Variants in BAZ2B observed in about 807,000 individuals in gnomAD.
The protein encoded by BAZ2B is bromodomain adjacent to zinc finger domain protein 2B.
BAZ2B carries 91 observed loss-of-function variants against 246.0 expected under a neutral mutation model. The observed-to-expected ratio is 0.37, with a 90% CI of 0.31 to 0.44. The LOEUF (loss-of-function observed/expected upper bound fraction) is 0.44, where lower values mean the gene tolerates loss of function less well. BAZ2B is among the 20% of genes least tolerant of loss of function. The pLI is 1.00. For missense variants in BAZ2B, 2,332 were observed against 2,533.7 expected (o/e 0.92, Z 1.71); for synonymous variants, 855 against 860.0 (o/e 0.99, Z 0.10).
chr2:159,504,717 C>T (rs1311434939), intron 2 of BAZ2B, among the ~76,000 whole-genome samples: 1 of 152,188 alleles, frequency 6.6e-6, no homozygotes, highest in Non-Finnish European at 1.5e-5. Context: ...TATTGAACAT[C>T]CTTCTCTCTT....
chr2:159,631,040 T>G, the BAZ2B span, among the ~76,000 whole-genome samples: 1 of 151,930 alleles, frequency 6.6e-6, no homozygotes, highest in Non-Finnish European at 1.5e-5. Context: ...CAAAAAAATT[T>G]TAAAATTTAC....
chr2:159,513,207 T>TA (rs2083101700), intron 2 of BAZ2B, among the ~76,000 whole-genome samples: 4 of 152,226 alleles, frequency 2.6e-5, no homozygotes, highest in Admixed American at 6.5e-5. Flanking sequence ...CTCTTAAAAC[T>TA]TGACTACCCA....
intron 1 of BAZ2B, among the ~76,000 whole-genome samples, chr2:159,578,727 T>C (rs776644300): frequency 6.6e-6 from 1 of 152,212 alleles, no homozygotes; most frequent in Non-Finnish European, 1.5e-5. Flanking sequence ...CAACTGTCTC[T>C]AGGACCACAG....
At chr2:159,658,605 C>A in the BAZ2B span, among the ~76,000 whole-genome samples, 1 of 152,166 alleles carries the variant, frequency 6.6e-6, no homozygotes, top group African/African-American at 2.4e-5. Context: ...GCAACCTCTG[C>A]CTCCCAGGTT....
chr2:159,453,901 T>C, intron 3 of BAZ2B, 100 bp from the exon 4 acceptor site: 3 of 1,061,912 alleles, frequency 2.8e-6, no homozygotes, highest in Non-Finnish European at 2.5e-6. Context: ...AATTTACCTA[T>C]TACATTTTTA....
At chr2:159,552,086 C>T (rs1458573694) in intron 2 of BAZ2B, among the ~76,000 whole-genome samples, 1 of 152,178 alleles carries the variant, frequency 6.6e-6, no homozygotes, top group African/African-American at 2.4e-5. Context: ...TTCCCACAAA[C>T]TCTCTAGACC....
rs775255548 is a variant in BAZ2B at position 159,412,354 on chromosome 2, T to C, written c.2658A>G (p.Leu886=). 1.8e-5 allele frequency: 29 copies of C among 1,614,188 alleles called. No individual in the cohort carries two copies. The South Asian group carries it at 3.1e-4, about 17-fold the overall frequency. ...EFLDNADAKL[L]RKLQAQEIAR... is the part of the protein sequence containing the mutation. ...TCTTACCTTGAGCTTGCAGTTTTCT[T>C]AGCAACTTTGCATCTGCGTTATCTA... The change falls in exon 14 of 37, where the codon CTA becomes CTG. Residue 886 remains leucine (L), a synonymous_variant. Coordinates refer to ENST00000392783, the MANE Select transcript of BAZ2B (RefSeq NM_013450.4).
intron 2 of BAZ2B, among the ~76,000 whole-genome samples, chr2:159,531,163 T>A (rs11885221): frequency 0.026 from 4,029 of 152,240 alleles, 183 homozygotes; most frequent in African/African-American, 0.092. Context: ...ACTAAAGATA[T>A]TTTATAACAA....
chr2:159,347,348 T>C, intron 31 of BAZ2B, 138 bp downstream of exon 31: 1 of 1,047,448 alleles, frequency 9.5e-7, no homozygotes, highest in African/African-American at 1.6e-5. Context: ...TGGGGCAAAT[T>C]AATCCAGGAT....
chr2:159,528,535 T>C (rs1047838855), intron 2 of BAZ2B, among the ~76,000 whole-genome samples: 2 of 151,824 alleles, frequency 1.3e-5, no homozygotes, highest in Non-Finnish European at 2.9e-5. Context: ...ATAGAAAAAT[T>C]AGCCAGGTGT....
intron 2 of BAZ2B, among the ~76,000 whole-genome samples, chr2:159,537,606 C>T (rs1485395599): frequency 6.6e-6 from 1 of 152,228 alleles, no homozygotes; most frequent in Admixed American, 6.5e-5. Context: ...TAGAGATACA[C>T]ACAACTGCTA....
At chr2:159,346,216 A>T (rs996938461) in intron 31 of BAZ2B, among the ~76,000 whole-genome samples, 1 of 152,210 alleles carries the variant, frequency 6.6e-6, no homozygotes, top group Non-Finnish European at 1.5e-5. Context: ...CAAGAAAGGG[A>T]TATTTTATTA....
chr2:159,528,085 T>G (rs1441218334), intron 2 of BAZ2B, among the ~76,000 whole-genome samples: 1 of 152,178 alleles, frequency 6.6e-6, no homozygotes, highest in Admixed American at 6.5e-5. Flanking sequence ...GAAGATTTCA[T>G]ATACCCTGTA....
intron 3 of BAZ2B, chr2:159,462,391 CT>C: frequency 8.1e-7 from 1 of 1,240,084 alleles, no homozygotes; most frequent in Non-Finnish European, 1.2e-6. Flanking sequence ...TACATTCAGC[CT>C]TTAGGCATTC....
At chr2:159,688,696 T>C in the BAZ2B span, among the ~76,000 whole-genome samples, 2 of 152,208 alleles carry the variant, frequency 1.3e-5, no homozygotes, top group African/African-American at 4.8e-5. Flanking sequence ...TCATACCTCT[T>C]TGGACTTCTT....
chr2:159,461,124 CACAA>C (rs1305238379), intron 3 of BAZ2B: 1 of 151,986 alleles, frequency 6.6e-6, no homozygotes, highest in Non-Finnish European at 1.5e-5. Flanking sequence ...AGAACTGAAG[CACAA>C]ACACGTTTTT....
At chr2:159,536,153 G>C (rs895301900) in intron 2 of BAZ2B, 1 of 152,128 alleles carries the variant, frequency 6.6e-6, no homozygotes, top group South Asian at 2.1e-4. Context: ...TTCCAACACT[G>C]AACAGACATA....
Position 159,431,159 on chromosome 2 carries a change from G to T in BAZ2B, c.1901-3C>A. On this transcript the variant is annotated splice_region_variant and splice_polypyrimidine_tract_variant and intron_variant, in intron 9 of 36. Coordinates refer to ENST00000392783, the MANE Select transcript of BAZ2B (RefSeq NM_013450.4). The stretch of plus-strand genomic sequence containing the variant: ...TGATTCTGAATTACTATCTGATTCT[G>T]GGAAGTAAAAGAAGCATTTGTATAT... The T allele has an allele frequency of 6.3e-7, 1 of 1,597,566 alleles. No homozygotes were observed. The highest frequency in any genetic ancestry group is 1.1e-5 in the South Asian group (1 of 88,682).
chr2:159,359,907 C>G (rs1263081182), intron 27 of BAZ2B, among the ~76,000 whole-genome samples: 3 of 146,594 alleles, frequency 2.0e-5, no homozygotes, highest in Non-Finnish European at 2.9e-5. Context: ...ATTCAACAGC[C>G]CTTCATGCTA....
Sources: gnomAD v4.1 joint callset for allele counts (sites outside exome capture counted in the v4.1 genomes callset) on GRCh38, gnomAD v4.1.1 for gene constraint, MANE v1.5 for transcripts, NCBI Gene and HGNC (gene_info 2026-07-23, HGNC 2026-07-21) for gene names.